RABGAP1L: variants seen among roughly 807,000 people sequenced by gnomAD.
RABGAP1L encodes the protein RAB GTPase activating protein 1 like.
Under a neutral mutation model 137.7 loss-of-function variants are expected in RABGAP1L, and 63 were observed. The observed-to-expected ratio is 0.46, with a 90% CI of 0.37 to 0.56. The LOEUF is 0.56. Ranked by LOEUF, RABGAP1L falls within the 20% of genes least tolerant of loss-of-function variation. The pLI is 0.00. For synonymous variants in RABGAP1L, 431 were observed against 433.7 expected, an observed-to-expected ratio of 0.99 and a Z score of 0.08; for missense variants, 1,095 against 1,244.0, an observed-to-expected ratio of 0.88 and a Z score of 1.80.
intron 5 of RABGAP1L, among the ~76,000 whole-genome samples, chr1:174,242,026 T>C (rs1671872442): frequency 6.6e-6 from 1 of 152,246 alleles, no homozygotes; most frequent in South Asian, 2.1e-4. Context: ...TACCTGTTTC[T>C]CTGATGGGCT....
chr1:174,355,110 T>A (rs1381562859), intron 11 of RABGAP1L, among the ~76,000 whole-genome samples: 3 of 152,168 alleles, frequency 2.0e-5, no homozygotes, highest in Non-Finnish European at 4.4e-5. Flanking sequence ...ATCCCATTAC[T>A]GGGTATATAC....
chr1:174,335,022 AAC>A (rs1681354935), intron 11 of RABGAP1L, among the ~76,000 whole-genome samples: 1 of 152,164 alleles, frequency 6.6e-6, no homozygotes, highest in Admixed American at 6.5e-5. Context: ...TTCTATTCTT[AAC>A]AGTTTTTCAC....
chr1:174,822,758 C>A (rs573117036), intron 19 of RABGAP1L, among the ~76,000 whole-genome samples: 1 of 152,216 alleles, frequency 6.6e-6, no homozygotes, highest in East Asian at 1.9e-4. Context: ...GCACCTCTTT[C>A]TGTGTGGCCC....
intron 20 of RABGAP1L, among the ~76,000 whole-genome samples, chr1:174,965,384 C>CA (rs1412906613): frequency 1.3e-5 from 2 of 152,186 alleles, no homozygotes; most frequent in African/African-American, 4.8e-5. Context: ...GTCTGTCTTC[C>CA]ATGGGCAACC....
chr1:174,210,724 C>T (rs1032395186), intron 1 of RABGAP1L, among the ~76,000 whole-genome samples: 4 of 152,032 alleles, frequency 2.6e-5, no homozygotes, highest in African/African-American at 9.7e-5. Context: ...AGAAAGATAT[C>T]AATATCCAAG....
At chr1:174,887,065 A>C (rs781043529) in intron 19 of RABGAP1L, among the ~76,000 whole-genome samples, 17 of 152,100 alleles carry the variant, frequency 1.1e-4, no homozygotes, top group Non-Finnish European at 2.2e-4. Flanking sequence ...TTGGCCTCCC[A>C]AAGTGCTGGG....
At chr1:174,385,629 C>T (rs561227958) in intron 12 of RABGAP1L, among the ~76,000 whole-genome samples, 2 of 152,184 alleles carry the variant, frequency 1.3e-5, no homozygotes, top group African/African-American at 4.8e-5. Flanking sequence ...GGGAGTTGGA[C>T]GTATGAGGAG....
chr1:174,822,188 G>A, intron 19 of RABGAP1L, among the ~76,000 whole-genome samples: 1 of 152,232 alleles, frequency 6.6e-6, no homozygotes, highest in East Asian at 1.9e-4. Context: ...TTGAACCTGG[G>A]AGGCGGAAGT....
chr1:174,380,016 A>T (rs1354282688), intron 12 of RABGAP1L, among the ~76,000 whole-genome samples: 1 of 116,598 alleles, frequency 8.6e-6, no homozygotes, highest in Admixed American at 9.0e-5. Flanking sequence ...GAATTTTGTC[A>T]AAGGCTTTTT....
chr1:174,305,545 G>A (rs1236443555), intron 11 of RABGAP1L, among the ~76,000 whole-genome samples: 1 of 151,744 alleles, frequency 6.6e-6, no homozygotes, highest in South Asian at 2.1e-4. Context: ...ACCATGCTTG[G>A]CTACTTTTTT....
chr1:174,386,547 G>T (rs1416833526), intron 12 of RABGAP1L, among the ~76,000 whole-genome samples: 4 of 150,738 alleles, frequency 2.7e-5, no homozygotes, highest in Non-Finnish European at 1.5e-5. Context: ...CACTCTTGTT[G>T]CCCAGGCTGG....
chr1:174,495,230 T>A (rs1021637442), intron 13 of RABGAP1L, among the ~76,000 whole-genome samples: 5 of 152,168 alleles, frequency 3.3e-5, no homozygotes, highest in African/African-American at 1.2e-4. Context: ...TAACTTCTAG[T>A]CTCACAAATT....
At chr1:174,806,404 A>G (rs905093047) in intron 18 of RABGAP1L, among the ~76,000 whole-genome samples, 3 of 152,194 alleles carry the variant, frequency 2.0e-5, no homozygotes, top group African/African-American at 7.2e-5. Context: ...GTTAAAAACC[A>G]ATCTGGGCAA....
chr1:174,502,354 G>A (rs2147765247), intron 13 of RABGAP1L, among the ~76,000 whole-genome samples: 1 of 151,548 alleles, frequency 6.6e-6, no homozygotes, highest in Middle Eastern at 3.4e-3. Context: ...CACTGACAAT[G>A]AGGCACACCC....
At chr1:174,647,210 G>T (rs566383569) in intron 14 of RABGAP1L, among the ~76,000 whole-genome samples, 1 of 152,078 alleles carries the variant, frequency 6.6e-6, no homozygotes, top group East Asian at 1.9e-4. Context: ...TCTTTCTCTT[G>T]CCTGATTTCC....
intron 11 of RABGAP1L, among the ~76,000 whole-genome samples, chr1:174,364,325 G>A (rs1320499529): frequency 7.5e-6 from 1 of 132,866 alleles, no homozygotes; most frequent in African/African-American, 3.0e-5. Context: ...CGGGATCTCG[G>A]CTCACTGCAA....
chr1:174,422,803 C>T (rs574033969), intron 13 of RABGAP1L, among the ~76,000 whole-genome samples: 1 of 152,052 alleles, frequency 6.6e-6, no homozygotes, highest in East Asian at 1.9e-4. Flanking sequence ...CAAAAATTAG[C>T]TGGTGTGATA....
chr1:174,621,744 A>C (rs1164318161), intron 13 of RABGAP1L, among the ~76,000 whole-genome samples: 1 of 152,222 alleles, frequency 6.6e-6, no homozygotes, highest in African/African-American at 2.4e-5. Flanking sequence ...TAAAACCATA[A>C]AAACCCTAGA....
intron 13 of RABGAP1L, among the ~76,000 whole-genome samples, chr1:174,433,401 T>C: frequency 6.6e-6 from 1 of 152,270 alleles, no homozygotes; most frequent in African/African-American, 2.4e-5. Context: ...ACATATTTTG[T>C]GTTTGAGACT....
Sources: gnomAD v4.1 joint callset for allele counts (sites outside exome capture counted in the v4.1 genomes callset) on GRCh38, gnomAD v4.1.1 for gene constraint, MANE v1.5 for transcripts, NCBI Gene and HGNC (gene_info 2026-07-23, HGNC 2026-07-21) for gene names.